Variants in LARGE1 observed in about 807,000 individuals in gnomAD.
LARGE1 encodes LARGE xylosyl- and glucuronyltransferase 1.
Under a neutral mutation model 87.6 loss-of-function variants are expected in LARGE1, and 43 were observed. That is an observed-to-expected ratio of 0.49 (90% CI 0.38 to 0.63). The LOEUF (loss-of-function observed/expected upper bound fraction) is 0.63, where lower values mean the gene tolerates loss of function less well. LARGE1 is among the 30% of genes least tolerant of loss of function. The probability of loss-of-function intolerance (pLI) is 0.00; values close to 1 mark genes in which losing one functional copy is unlikely to be tolerated. For missense variants in LARGE1, 802 were observed against 1,000.2 expected, an observed-to-expected ratio of 0.80 and a Z score of 2.67; for synonymous variants, 434 against 394.6, an observed-to-expected ratio of 1.10 and a Z score of -1.18.
chr22:33,330,727 T>C (rs1188007781), intron 10 of LARGE1, among the ~76,000 whole-genome samples: 1 of 152,228 alleles, frequency 6.6e-6, no homozygotes, highest in African/African-American at 2.4e-5. Flanking sequence ...GGGAGCCTGT[T>C]CTCTTGCAAA....
intron 11 of LARGE1, among the ~76,000 whole-genome samples, chr22:33,190,953 A>G (rs1211708499): frequency 6.6e-6 from 1 of 152,224 alleles, no homozygotes; most frequent in Non-Finnish European, 1.5e-5. Flanking sequence ...CCCTGGTAAT[A>G]GCAGCACCTT....
chr22:33,922,441 G>C (rs1475777263), upstream of LARGE1: 1 of 152,384 alleles, frequency 6.6e-6, no homozygotes, highest in Non-Finnish European at 1.5e-5. Flanking sequence ...AGCAGCAGCA[G>C]CGCCCGCTTT....
chr22:33,763,838 CTTTTTTTTTTTTTTT>C (rs71187279), intron 1 of LARGE1, among the ~76,000 whole-genome samples: 1,851 of 71,248 alleles, frequency 0.026, 57 homozygotes, highest in African/African-American at 0.11. Flanking sequence ...AATTAGTTTG[CTTTTTTTTTTTTTTT>C]TTTTTTTTTT....
chr22:33,918,633 T>C (rs980215659), intron 1 of LARGE1, among the ~76,000 whole-genome samples: 2 of 151,884 alleles, frequency 1.3e-5, no homozygotes, highest in African/African-American at 4.8e-5. Flanking sequence ...ATGTCACCCA[T>C]TTGTGAGGGA....
intron 1 of LARGE1, among the ~76,000 whole-genome samples, chr22:33,816,729 C>CAGAA (rs1457590222): frequency 6.7e-6 from 1 of 150,174 alleles, no homozygotes; most frequent in Non-Finnish European, 1.5e-5. Context: ...GACAGACAGA[C>CAGAA]AGACAGATAC....
chr22:33,824,541 A>G (rs1392913482), intron 1 of LARGE1, among the ~76,000 whole-genome samples: 3 of 152,068 alleles, frequency 2.0e-5, no homozygotes, highest in Non-Finnish European at 4.4e-5. Flanking sequence ...TTGACAAGAG[A>G]TTTGGGTGGG....
chr22:33,857,304 C>T (rs921127740), intron 1 of LARGE1, among the ~76,000 whole-genome samples: 2 of 152,304 alleles, frequency 1.3e-5, no homozygotes, highest in African/African-American at 4.8e-5. Context: ...GGAACAGACT[C>T]CCCTCAAGGG....
chr22:33,138,022 G>C, the LARGE1 span, among the ~76,000 whole-genome samples: 2 of 152,278 alleles, frequency 1.3e-5, no homozygotes, highest in Admixed American at 1.3e-4. Context: ...CCATCCTCCA[G>C]ACTCCAGAAG....
intron 1 of LARGE1, among the ~76,000 whole-genome samples, chr22:33,774,640 C>T (rs1318276245): frequency 6.6e-6 from 1 of 152,180 alleles, no homozygotes; most frequent in African/African-American, 2.4e-5. Context: ...TTACAGGTGT[C>T]AGCCACTATG....
At chr22:33,521,001 C>A (rs1602234451) in intron 6 of LARGE1, among the ~76,000 whole-genome samples, 1 of 152,202 alleles carries the variant, frequency 6.6e-6, no homozygotes, top group Non-Finnish European at 1.5e-5. Context: ...GAGGCCAGGG[C>A]ACTGATTTTC....
chr22:33,435,626 A>C (rs2067242477), intron 6 of LARGE1, among the ~76,000 whole-genome samples: 2 of 152,114 alleles, frequency 1.3e-5, no homozygotes, highest in African/African-American at 4.8e-5. Flanking sequence ...GAAAACTGCA[A>C]AGATGGGGAG....
intron 6 of LARGE1, among the ~76,000 whole-genome samples, chr22:33,438,406 G>A (rs2067350618): frequency 6.6e-6 from 1 of 152,192 alleles, no homozygotes; most frequent in Non-Finnish European, 1.5e-5. Context: ...ATGATTAAGT[G>A]CGCTGTTCTC....
intron 7 of LARGE1, among the ~76,000 whole-genome samples, chr22:33,429,668 T>C (rs777008440): frequency 1.3e-5 from 2 of 152,194 alleles, no homozygotes; most frequent in Non-Finnish European, 2.9e-5. Context: ...CTATTATATA[T>C]TTTGGAAGAC....
chr22:33,773,022 C>T (rs1346501170), intron 1 of LARGE1, among the ~76,000 whole-genome samples: 1 of 152,198 alleles, frequency 6.6e-6, no homozygotes, highest in Non-Finnish European at 1.5e-5. Context: ...CCACACAGGT[C>T]CCTGAGGCAA....
At position 33,351,360 on chromosome 22, in the gene LARGE1, T is replaced by C. The variant is rs1274294796; in HGVS notation, c.1132-13559A>G. 5.3e-5 allele frequency among the ~76,000 whole-genome samples: 8 copies of C among 152,220 alleles called. No individual in the cohort carries two copies. In the East Asian group the frequency reaches 1.3e-3, roughly 26 times the overall value. ...TATGGTGGCATGGCGCTCTCAAATA[T>C]TGAGGTGTTCTGGGGTTTAAATGAA... On this transcript the variant is annotated intron_variant, in intron 9 of 14. Coordinates refer to ENST00000397394, the MANE Select transcript of LARGE1 (RefSeq NM_133642.5).
At chr22:33,698,308 A>T (rs2082312214) in intron 2 of LARGE1, among the ~76,000 whole-genome samples, 1 of 150,006 alleles carries the variant, frequency 6.7e-6, no homozygotes, top group Non-Finnish European at 1.5e-5. Flanking sequence ...TCCTAGCCTC[A>T]AGCGATCTGC....
At chr22:33,688,162 T>A (rs2081996669) in intron 2 of LARGE1, among the ~76,000 whole-genome samples, 1 of 152,196 alleles carries the variant, frequency 6.6e-6, no homozygotes, top group Non-Finnish European at 1.5e-5. Flanking sequence ...GAACGCTGTC[T>A]CTATCTCAAT....
chr22:33,281,054 A>C (rs989410209), intron 13 of LARGE1, among the ~76,000 whole-genome samples: 7 of 152,154 alleles, frequency 4.6e-5, no homozygotes, highest in Non-Finnish European at 8.8e-5. Flanking sequence ...GGCTGCTCAG[A>C]GGCTGAAGAG....
the LARGE1 span, among the ~76,000 whole-genome samples, chr22:33,102,477 T>A: frequency 6.6e-6 from 1 of 151,434 alleles, no homozygotes; most frequent in African/African-American, 2.4e-5. Context: ...GGGCCCCCCT[T>A]CCTTCCTTCC....
Sources: allele counts gnomAD v4.1 joint callset (sites outside exome capture counted in the v4.1 genomes callset), GRCh38; gene constraint gnomAD v4.1.1; transcripts MANE v1.5; gene names NCBI Gene and HGNC (gene_info 2026-07-23, HGNC 2026-07-21).